ABCC1: variants seen among roughly 807,000 people sequenced by gnomAD.
ABCC1 encodes the protein multidrug resistance-associated protein 1.
ABCC1 carries 83 observed loss-of-function variants against 172.9 expected under a neutral mutation model. The observed-to-expected ratio is 0.48, with a 90% CI of 0.40 to 0.58. The LOEUF is 0.58. Ranked by LOEUF, ABCC1 falls within the 20% of genes least tolerant of loss-of-function variation. ABCC1 has a pLI of 0.00. For synonymous variants in ABCC1, 937 were observed against 825.2 expected, an observed-to-expected ratio of 1.14 and a Z score of -2.32; for missense variants, 1,817 against 2,002.7, an observed-to-expected ratio of 0.91 and a Z score of 1.77.
chr16:16,069,557 T>G (rs1354458097), intron 13 of ABCC1, among the ~76,000 whole-genome samples: 3 of 152,072 alleles, frequency 2.0e-5, no homozygotes, highest in Non-Finnish European at 2.9e-5. Context: ...CGAACATCCC[T>G]TTTGAAAACT....
chr16:16,000,289 G>A (rs906544382), intron 1 of ABCC1, among the ~76,000 whole-genome samples: 8 of 152,002 alleles, frequency 5.3e-5, no homozygotes, highest in Non-Finnish European at 1.2e-4. Context: ...TGGGATTATA[G>A]GCGAGTTCAC....
chr16:16,090,731 A>G (rs1224853688), intron 19 of ABCC1, 143 bp downstream of exon 19: 3 of 910,932 alleles, frequency 3.3e-6, no homozygotes, highest in African/African-American at 1.7e-5. Context: ...AGCCCCCTAA[A>G]GAAGCAATGT....
At chr16:16,094,334 CT>C in intron 19 of ABCC1, 4 of 260,010 alleles carry the variant, frequency 1.5e-5, no homozygotes, top group Non-Finnish European at 2.3e-5. Flanking sequence ...ATTCAGTGCT[CT>C]TTTTGGGCCG....
chr16:16,043,868 C>T (rs536365890), intron 7 of ABCC1, among the ~76,000 whole-genome samples: 43 of 152,318 alleles, frequency 2.8e-4, no homozygotes, highest in African/African-American at 9.6e-4. Context: ...TCCCAAAGTG[C>T]TGGGATTACA....
rs1216419284 is a variant in ABCC1, at chr16:16,016,564, C to T, written c.558C>T (p.Leu186=). The change falls in exon 5 of 31, where the codon CTC becomes CTT. Residue 186 remains leucine (L), a synonymous_variant. Coordinates refer to ENST00000399410, the MANE Select transcript of ABCC1 (RefSeq NM_004996.4). The part of the protein sequence containing the change: ...YVYFSLLLIQ[L]VLSCFSDRSP... ...ACTTTTCCCTCTTACTCATTCAGCTCGTCTTGTCCTGTTTCTCAGATCGCT... is the reference window on the plus strand; with the variant it reads ...ACTTTTCCCTCTTACTCATTCAGCTTGTCTTGTCCTGTTTCTCAGATCGCT... The T allele has an allele frequency of 4.3e-6, 7 of 1,614,170 alleles. No homozygotes were observed. Among genetic ancestry groups the T allele is most frequent in the Non-Finnish European group, 5.1e-6 (6 of 1,180,024 alleles).
At chr16:15,961,590 T>C (rs767693628) in intron 1 of ABCC1, among the ~76,000 whole-genome samples, 1 of 152,234 alleles carries the variant, frequency 6.6e-6, no homozygotes, top group Non-Finnish European at 1.5e-5. Flanking sequence ...GTTTCAAGTA[T>C]ATGCAAATGT....
intron 27 of ABCC1, among the ~76,000 whole-genome samples, 160 bp downstream of exon 27, chr16:16,132,095 G>A (rs1287670072): frequency 2.6e-5 from 4 of 152,148 alleles, no homozygotes; most frequent in African/African-American, 9.7e-5. Flanking sequence ...GGCAGTAAAA[G>A]CTGTTCAGAG....
chr16:15,954,679 C>T (rs1655783535), intron 1 of ABCC1, among the ~76,000 whole-genome samples: 2 of 152,174 alleles, frequency 1.3e-5, no homozygotes, highest in South Asian at 4.1e-4. Context: ...AAGGCAGCTG[C>T]AGCCGGTCCC....
In ABCC1 at chr16:16,122,182, T is replaced by C; in HGVS notation, c.3590+8T>C. 6.2e-7 allele frequency: 1 copy of C among 1,613,976 alleles called. No homozygotes were observed. Among genetic ancestry groups the C allele is most frequent in the Non-Finnish European group, 8.5e-7 (1 of 1,179,898 alleles). On this transcript the variant is annotated splice_region_variant and intron_variant, in intron 24 of 30. Coordinates refer to ENST00000399410, the MANE Select transcript of ABCC1 (RefSeq NM_004996.4). ...CAGCATCGTGGCCAACAGGTGGGCA[T>C]GGTGGGCCTGCAGGAGCGGGTGGAG...
intron 1 of ABCC1, among the ~76,000 whole-genome samples, chr16:15,956,793 TGAG>T (rs1181745497): frequency 6.6e-6 from 1 of 152,142 alleles, no homozygotes; most frequent in Non-Finnish European, 1.5e-5. Flanking sequence ...GTCTTCACGT[TGAG>T]GAGGCTAAGG....
chr16:16,064,948 A>G (rs2050058370), intron 12 of ABCC1, among the ~76,000 whole-genome samples: 1 of 152,254 alleles, frequency 6.6e-6, no homozygotes, highest in Admixed American at 6.5e-5. Context: ...GATCTTTGGA[A>G]TAAGGGCGGC....
intron 7 of ABCC1, among the ~76,000 whole-genome samples, chr16:16,037,083 CAG>C (rs1372764252): frequency 6.6e-6 from 1 of 150,970 alleles, no homozygotes; most frequent in Non-Finnish European, 1.5e-5. Context: ...GCCTGGGAGA[CAG>C]AGTGAGACTC....
intron 1 of ABCC1, among the ~76,000 whole-genome samples, chr16:15,983,290 T>C (rs1490054063): frequency 1.3e-5 from 2 of 152,092 alleles, no homozygotes; most frequent in African/African-American, 4.8e-5. Context: ...AAGGGGTCCC[T>C]GGAACAGTGA....
At position 16,090,585 on chromosome 16, in the gene ABCC1, A is replaced by C; in HGVS notation, c.2641A>C (p.Asn881His). ...AGAGCAGGAGCAGGATGCAGAGGAG[A>C]ACGGTAGGGGCAGCCCCAGGGTTCC... is the stretch of plus-strand genomic sequence containing the variant. The part of the protein sequence containing the change: ...STEQEQDAEE[N>H]GVTGVSGPGK... The change falls in exon 19 of 31, where the codon AAC (asparagine) becomes CAC (histidine). Residue 881 changes from asparagine (N) to histidine (H), a missense_variant. By Grantham distance (68) the Asn-to-His change is moderately conservative. Around this residue, in one of 3 missense-constraint regions of ABCC1, gnomAD observed 1,412 missense variants for 1,600.3 expected, o/e 0.88. Transcript: ENST00000399410. 6.3e-7 allele frequency: 1 copy of C among 1,589,730 alleles called. No individual in the cohort carries two copies. The highest frequency in any genetic ancestry group is 1.1e-5 in the South Asian group (1 of 89,386).
At chr16:16,112,752 T>C (rs1050544475) in intron 22 of ABCC1, among the ~76,000 whole-genome samples, 4 of 152,358 alleles carry the variant, frequency 2.6e-5, no homozygotes, top group African/African-American at 7.2e-5. Context: ...CCATATGATA[T>C]ATACACAGTA....
At chr16:16,113,285 A>G (rs754765627) in intron 22 of ABCC1, among the ~76,000 whole-genome samples, 1 of 152,186 alleles carries the variant, frequency 6.6e-6, no homozygotes. Context: ...TCACACAGCA[A>G]CAACGTCTGT....
chr16:16,048,047 C>T (rs1382132775), intron 9 of ABCC1, 95 bp from the exon 10 acceptor site: 3 of 1,452,994 alleles, frequency 2.1e-6, no homozygotes, highest in East Asian at 2.3e-5. Context: ...GCATTTCTGC[C>T]CCTGAGAGTC....
intron 1 of ABCC1, among the ~76,000 whole-genome samples, chr16:15,980,305 G>C (rs2046593035): frequency 6.6e-6 from 1 of 152,070 alleles, no homozygotes; most frequent in South Asian, 2.1e-4. Flanking sequence ...AGGAGTTCGA[G>C]ACCAGCCTCA....
chr16:16,021,905 C>A (rs1418480452), intron 5 of ABCC1, among the ~76,000 whole-genome samples: 1 of 152,076 alleles, frequency 6.6e-6, no homozygotes, highest in Non-Finnish European at 1.5e-5. Context: ...GGTTGCAACT[C>A]GATTTGTTGT....
Sources: allele counts gnomAD v4.1 joint callset (sites outside exome capture counted in the v4.1 genomes callset), GRCh38; gene constraint gnomAD v4.1.1; regional missense constraint gnomAD v4.1.1; transcripts MANE v1.5; gene names NCBI Gene and HGNC (gene_info 2026-07-23, HGNC 2026-07-21).